HLCS: variants seen among roughly 807,000 people sequenced by gnomAD.
The protein encoded by HLCS is biotin--protein ligase.
HLCS carries 53 observed loss-of-function variants against 75.0 expected under a neutral mutation model. That is an observed-to-expected ratio of 0.71 (90% CI 0.57 to 0.89). The LOEUF is 0.89. Ranked by LOEUF, HLCS falls within the 40% of genes least tolerant of loss-of-function variation. The pLI is 0.00. For synonymous variants in HLCS, 431 were observed against 428.6 expected (o/e 1.01, Z -0.07); for missense variants, 966 against 1,074.0 (o/e 0.90, Z 1.41).
At chr21:36,791,792 A>G (rs1291971906) in intron 6 of HLCS, among the ~76,000 whole-genome samples, 1 of 152,044 alleles carries the variant, frequency 6.6e-6, no homozygotes, top group Non-Finnish European at 1.5e-5. Context: ...CTGGACACAC[A>G]AGGATTAAGT....
intron 6 of HLCS, among the ~76,000 whole-genome samples, chr21:36,864,568 T>C (rs1020894298): frequency 3.3e-5 from 5 of 152,236 alleles, no homozygotes; most frequent in African/African-American, 1.2e-4. Flanking sequence ...GTAGTTTTTA[T>C]TTCCTGTAAC....
intron 5 of HLCS, among the ~76,000 whole-genome samples, chr21:36,915,974 C>A (rs1430752192): frequency 6.6e-6 from 1 of 152,016 alleles, no homozygotes; most frequent in Non-Finnish European, 1.5e-5. Context: ...TGCAAGTGTC[C>A]AAATAAAATG....
intron 7 of HLCS, 85 bp from the exon 8 acceptor site, chr21:36,765,257 A>C (rs2089993582): frequency 8.2e-7 from 1 of 1,223,162 alleles, no homozygotes; most frequent in Non-Finnish European, 1.2e-6. Flanking sequence ...CACACACTCA[A>C]ATAAATCTGA....
At chr21:36,811,081 T>TG (rs2061496630) in intron 6 of HLCS, among the ~76,000 whole-genome samples, 1 of 147,258 alleles carries the variant, frequency 6.8e-6, no homozygotes, top group Non-Finnish European at 1.5e-5. Flanking sequence ...GTACAACACG[T>TG]TTTGAAGTAC....
chr21:36,914,181 T>C (rs1328910378), intron 5 of HLCS, among the ~76,000 whole-genome samples: 1 of 152,200 alleles, frequency 6.6e-6, no homozygotes, highest in Admixed American at 6.5e-5. Context: ...AGGTGAACGG[T>C]CCAGGGGCCA....
At chr21:36,978,370 C>T (rs1471938828) in intron 1 of HLCS, among the ~76,000 whole-genome samples, 3 of 151,546 alleles carry the variant, frequency 2.0e-5, no homozygotes, top group Non-Finnish European at 2.9e-5. Context: ...GGTGGTGCAA[C>T]GTAGTCCCAG....
chr21:36,961,903 G>T lies in HLCS; in HGVS notation c.330+133C>A, dbSNP rs545001682. 76 of 434,340 alleles carry T rather than the reference G, an allele frequency of 1.7e-4. 1 individual carries two copies. Among genetic ancestry groups the T allele is most frequent in the African/African-American group, 1.5e-3 (69 of 45,598 alleles). The allele number at this position is 434,340 out of a possible 1,614,324, so 26.9% of individuals were successfully genotyped here. On this transcript the variant is annotated intron_variant, in intron 2 of 10. Coordinates refer to ENST00000674895, the MANE Select transcript of HLCS (RefSeq NM_001352514.2). ...CAGGAGGCGGAGGTCCCAGTGAGCC[G>T]AGATCACACCACTGCACTCCAGCCT...
intron 6 of HLCS, among the ~76,000 whole-genome samples, chr21:36,805,488 G>T (rs978453826): frequency 3.3e-5 from 5 of 152,204 alleles, no homozygotes; most frequent in African/African-American, 1.2e-4. Flanking sequence ...ATTGAACGTG[G>T]CTGCTAATTA....
chr21:36,988,543 G>A (rs930763258), intron 1 of HLCS, among the ~76,000 whole-genome samples: 1 of 152,144 alleles, frequency 6.6e-6, no homozygotes, highest in Non-Finnish European at 1.5e-5. Flanking sequence ...TTTTATACTG[G>A]TGTAGGCGTT....
At chr21:36,900,578 G>A (rs530778191) in intron 5 of HLCS, among the ~76,000 whole-genome samples, 3 of 152,138 alleles carry the variant, frequency 2.0e-5, no homozygotes, top group African/African-American at 4.8e-5. Context: ...GGGGAAGGTC[G>A]TGGGATGTCC....
intron 6 of HLCS, among the ~76,000 whole-genome samples, chr21:36,848,271 G>GT (rs59079731): frequency 0.27 from 37,774 of 138,422 alleles, 5,122 homozygotes; most frequent in Middle Eastern, 0.3. Context: ...CATAATTGTT[G>GT]TTTTTTTTTT....
chr21:36,892,255 G>A (rs1437865262), intron 6 of HLCS, among the ~76,000 whole-genome samples: 5 of 152,178 alleles, frequency 3.3e-5, no homozygotes, highest in East Asian at 1.9e-4. Flanking sequence ...ATCCATCTCC[G>A]ATGTGGTGCA....
chr21:36,915,522 G>A (rs1216744968), intron 5 of HLCS, among the ~76,000 whole-genome samples: 1 of 152,146 alleles, frequency 6.6e-6, no homozygotes, highest in Admixed American at 6.5e-5. Flanking sequence ...CAGGAGAGAG[G>A]GGAGCGGCGT....
intron 6 of HLCS, among the ~76,000 whole-genome samples, chr21:36,845,706 AC>A (rs936307833): frequency 6.6e-6 from 1 of 152,176 alleles, no homozygotes; most frequent in Non-Finnish European, 1.5e-5. Flanking sequence ...GCTCAACATT[AC>A]TAGGTCATTT....
intron 1 of HLCS, among the ~76,000 whole-genome samples, chr21:36,964,314 T>C (rs141380574): frequency 1.3e-5 from 2 of 152,268 alleles, no homozygotes; most frequent in Non-Finnish European, 2.9e-5. Context: ...GACTGAGATA[T>C]CCACCAAATC....
chr21:36,966,647 C>G lies in HLCS; in HGVS notation c.-9G>C, dbSNP rs953319376. The stretch of plus-strand genomic sequence containing the variant: ...CACAGCGTGATGAGCATGGCCGCGC[C>G]GCCGGCAGGGCGAGCCCGCCTTGCC... On this transcript the variant is annotated 5_prime_UTR_variant, in exon 1 of 11. Transcript: ENST00000674895. 184 of 979,204 alleles carry G rather than the reference C, an allele frequency of 1.9e-4. 1 individual carries two copies. The African/African-American group carries it at 3.0e-3, about 16-fold the overall frequency. 60.7% of individuals were successfully genotyped at this position (979,204 alleles called of 1,614,324 possible).
Position 36,964,267 on chromosome 21 carries a change from A to G in HLCS, c.196-2097T>C, listed in dbSNP as rs148695195. Among the ~76,000 whole-genome samples, 289 of 152,320 alleles carry G rather than the reference A, an allele frequency of 1.9e-3. 1 individual carries two copies. The highest frequency in any genetic ancestry group is 9.1e-3 in the South Asian group (44 of 4,820). On this transcript the variant is annotated intron_variant, in intron 1 of 10. Coordinates refer to ENST00000674895, the MANE Select transcript of HLCS (RefSeq NM_001352514.2). Reference sequence around the variant, plus strand: ...TCAGGTGTGTCCTTATTTCAGCCCAAGTAGACTGAGGTATCCCTCAAAAGT... The same window carrying G: ...TCAGGTGTGTCCTTATTTCAGCCCAGGTAGACTGAGGTATCCCTCAAAAGT...
chr21:36,759,057 T>C (rs1376745294), intron 9 of HLCS: 1 of 469,522 alleles, frequency 2.1e-6, no homozygotes, highest in African/African-American at 2.0e-5. Context: ...TGCCCCTTGG[T>C]GGCAGAGCTG....
chr21:36,841,466 G>A (rs930702460), intron 6 of HLCS, among the ~76,000 whole-genome samples: 4 of 152,216 alleles, frequency 2.6e-5, no homozygotes, highest in African/African-American at 4.8e-5. Context: ...TAGGACGATG[G>A]CCTCTGCCAC....
Sources: allele counts gnomAD v4.1 joint callset (sites outside exome capture counted in the v4.1 genomes callset), GRCh38; gene constraint gnomAD v4.1.1; transcripts MANE v1.5; gene names NCBI Gene and HGNC (gene_info 2026-07-23, HGNC 2026-07-21).